The following DTNA variants were observed in gnomAD, a reference collection of about 807,000 sequenced individuals.
DTNA encodes the protein dystrobrevin alpha.
In DTNA, 43 loss-of-function variants were observed where a neutral mutation model predicts 100.7. The ratio of observed to expected loss-of-function variants is 0.43; its 90% CI spans 0.33 to 0.55. The LOEUF (loss-of-function observed/expected upper bound fraction) is 0.55, where lower values mean the gene tolerates loss of function less well. Among genes scored for constraint, DTNA ranks in the 20% least tolerant of loss-of-function variants. The probability of loss-of-function intolerance (pLI) is 0.04; values close to 1 mark genes in which losing one functional copy is unlikely to be tolerated. For synonymous variants in DTNA, 349 were observed against 347.9 expected (o/e 1.00, Z -0.04); for missense variants, 798 against 953.9 (o/e 0.84, Z 2.15).
In DTNA at chr18:34,820,336, G is replaced by C. The variant is rs71363468; in HGVS notation, c.877-455G>C. 9.2e-3 allele frequency among the ~76,000 whole-genome samples: 1,399 copies of C among 152,250 alleles called. 11 individuals carry two copies. The highest frequency in any genetic ancestry group is 0.015 in the Non-Finnish European group (1,008 of 68,012). ...TCCTTCTAGAATCAGGTCTGATGCT[G>C]TCATGCCTGTGATGTAAACTCTTCA... On this transcript the variant is annotated intron_variant, in intron 8 of 22. Transcript: ENST00000444659.
chr18:34,781,610 A>T (rs866716251), intron 3 of DTNA, among the ~76,000 whole-genome samples: 3 of 152,102 alleles, frequency 2.0e-5, no homozygotes, highest in Non-Finnish European at 4.4e-5. Flanking sequence ...AACCACCTAG[A>T]GATCTCTTCA....
chr18:34,574,392 C>T, intron 1 of DTNA: 1 of 154,452 alleles, frequency 6.5e-6, no homozygotes, highest in Non-Finnish European at 1.4e-5. Flanking sequence ...ACAACCTTGG[C>T]CTTGTCACAG....
intron 8 of DTNA, chr18:34,818,717 CT>C: frequency 1.0e-6 from 1 of 990,250 alleles, no homozygotes; most frequent in Non-Finnish European, 1.3e-6. Context: ...TTTTATTTTT[CT>C]TAGATTCTGG....
chr18:34,702,300 A>G (rs1157752189), intron 1 of DTNA, among the ~76,000 whole-genome samples: 1 of 152,192 alleles, frequency 6.6e-6, no homozygotes. Context: ...GCCCATTCCA[A>G]GCATGGACAC....
chr18:34,838,789 A>G lies in DTNA; in HGVS notation c.1298A>G (p.His433Arg), dbSNP rs2096208501. 6.2e-7 allele frequency: 1 copy of G among 1,613,752 alleles called. No homozygotes were observed. ...GTGGCAGACAGGCTAGCTGATGAAC[A>G]TGTTCTCATCGGGTTGTATGTCAAC... ...LNVADRLADE[H>R]VLIGLYVNML... The change falls in exon 13 of 23, where the codon CAT (histidine) becomes CGT (arginine). Residue 433 changes from histidine (H) to arginine (R), a missense_variant. By Grantham distance (29) the His-to-Arg change is conservative. Around this residue, in one of 6 missense-constraint regions of DTNA, gnomAD observed 159 missense variants for 201.2 expected, o/e 0.79. Coordinates refer to ENST00000444659, the MANE Select transcript of DTNA (RefSeq NM_001386795.1).
At chr18:34,718,591 C>T (rs1017750780) in intron 1 of DTNA, among the ~76,000 whole-genome samples, 4 of 151,992 alleles carry the variant, frequency 2.6e-5, no homozygotes, top group Admixed American at 1.3e-4. Context: ...TCTAATAAGA[C>T]GTTAGGTTTT....
chr18:34,494,323 G>A (rs1397566382), intron 1 of DTNA, among the ~76,000 whole-genome samples: 1 of 150,882 alleles, frequency 6.6e-6, no homozygotes, highest in South Asian at 2.1e-4. Flanking sequence ...TGCGGTGCCC[G>A]GGCCGATGCC....
At chr18:34,885,118 G>A (rs1341442652) in intron 22 of DTNA, among the ~76,000 whole-genome samples, 2 of 152,154 alleles carry the variant, frequency 1.3e-5, no homozygotes, top group Non-Finnish European at 2.9e-5. Flanking sequence ...GGAGTTTGTA[G>A]CCGCTCTAGC....
intron 1 of DTNA, among the ~76,000 whole-genome samples, chr18:34,751,598 A>G (rs1194211250): frequency 2.6e-5 from 4 of 152,166 alleles, no homozygotes; most frequent in Non-Finnish European, 5.9e-5. Flanking sequence ...TACCTATTTT[A>G]AAGCTCCCTG....
chr18:34,658,287 AT>A (rs2144361270), intron 1 of DTNA, among the ~76,000 whole-genome samples: 1 of 152,320 alleles, frequency 6.6e-6, no homozygotes, highest in Admixed American at 6.5e-5. Context: ...AGAAATTACA[AT>A]CTTTCAGTAG....
intron 1 of DTNA, among the ~76,000 whole-genome samples, chr18:34,744,795 G>A (rs766078653): frequency 5.3e-5 from 8 of 152,116 alleles, no homozygotes; most frequent in African/African-American, 9.7e-5. Context: ...GCCTATGTCC[G>A]TGTGTGTCTG....
chr18:34,849,753 GA>G (rs752178419), intron 14 of DTNA, among the ~76,000 whole-genome samples: 2 of 152,228 alleles, frequency 1.3e-5, no homozygotes, highest in Non-Finnish European at 2.9e-5. Flanking sequence ...GACCAGATCA[GA>G]TGCATGTTCC....
At chr18:34,683,241 A>G (rs1168096261) in intron 1 of DTNA, among the ~76,000 whole-genome samples, 1 of 152,152 alleles carries the variant, frequency 6.6e-6, no homozygotes, top group Non-Finnish European at 1.5e-5. Context: ...TCCTGTAATA[A>G]ATACTGGTTG....
At chr18:34,838,296 AC>A in intron 12 of DTNA, 125 bp downstream of exon 12, 1 of 997,618 alleles carries the variant, frequency 1.0e-6, no homozygotes, top group Middle Eastern at 2.2e-4. Context: ...CTCTGCTTTA[AC>A]CCAGTTAACA....
Position 34,694,452 on chromosome 18 carries a change from G to A in DTNA, c.-1-61524G>A, listed in dbSNP as rs992952490. Among the ~76,000 whole-genome samples, 6 of 152,300 alleles carry A rather than the reference G, an allele frequency of 3.9e-5. 1 individual carries two copies. Among genetic ancestry groups the A allele is most frequent in the African/African-American group, 1.4e-4 (6 of 41,570 alleles). On this transcript the variant is annotated intron_variant, in intron 1 of 19. Transcript: ENST00000283365. ...GTCACTTTCAAAAAGCAAATGTTAA[G>A]TCTGTACAGAGTTTATTTTAGTGAA...
rs956492873 is a variant in DTNA, at chr18:34,829,354, T to A, written c.1086-46T>A. On this transcript the variant is annotated intron_variant, in intron 10 of 22. Coordinates refer to ENST00000444659, the MANE Select transcript of DTNA (RefSeq NM_001386795.1). ...TTTCCTCTCTGAGTGGGCCTTGCTC[T>A]GTCCATGGGAAGTTTTAATGAGGTC... 1.4e-5 allele frequency: 22 copies of A among 1,533,630 alleles called. No individual in the cohort carries two copies. The Admixed American group carries it at 3.9e-4, about 27-fold the overall frequency.
chr18:34,542,670 GA>G (rs35532444), intron 1 of DTNA, among the ~76,000 whole-genome samples: 11,952 of 143,516 alleles, frequency 0.083, 576 homozygotes, highest in African/African-American at 0.13. Context: ...TCTGTTCTGT[GA>G]AAAAAAAAAA....
chr18:34,671,126 G>A (rs150841303), intron 1 of DTNA, among the ~76,000 whole-genome samples: 62 of 152,240 alleles, frequency 4.1e-4, no homozygotes, highest in Middle Eastern at 3.4e-3. Flanking sequence ...CAGCAATGGC[G>A]GGCACCCCTC....
chr18:34,542,737 G>C (rs2044365549), intron 1 of DTNA, among the ~76,000 whole-genome samples: 1 of 151,620 alleles, frequency 6.6e-6, no homozygotes, highest in African/African-American at 2.4e-5. Flanking sequence ...CAGGCTTTGG[G>C]GTTTTATATA....
Sources: gnomAD v4.1 joint callset for allele counts (sites outside exome capture counted in the v4.1 genomes callset) on GRCh38, gnomAD v4.1.1 for gene constraint, gnomAD v4.1.1 regional missense constraint, MANE v1.5 for transcripts, NCBI Gene and HGNC (gene_info 2026-07-23, HGNC 2026-07-21) for gene names.